The following EMP2 variants were observed in gnomAD, a reference collection of about 807,000 sequenced individuals.
The protein encoded by EMP2 is epithelial membrane protein 2.
A neutral mutation model predicts 13.7 loss-of-function variants in EMP2; 19 were observed. The ratio of observed to expected loss-of-function variants is 1.38; its 90% confidence interval spans 0.97 to 2.03. The LOEUF is 2.03. Among genes scored for constraint, EMP2 ranks in the 30% most tolerant of loss-of-function variants. The pLI is 0.00. For synonymous variants in EMP2, 97 were observed against 84.7 expected, an observed-to-expected ratio of 1.15 and a Z score of -0.80; for missense variants, 253 against 220.7, an observed-to-expected ratio of 1.15 and a Z score of -0.93.
rs1019110609 is a variant in EMP2, at chr16:10,547,216, A to T, written c.78+324T>A. ...CGTGGGAGGGACCCGGTGGGAGGTA[A>T]CTGAATCATGGGAGCAAGTTTATCC... On this transcript the variant is annotated intron_variant, in intron 2 of 4. Transcript: ENST00000359543. The T allele has an allele frequency of 8.2e-5, 17 of 208,422 alleles. No homozygotes were observed. The East Asian group carries it at 1.0e-3, about 12-fold the overall frequency. 12.9% of individuals were successfully genotyped at this position (208,422 alleles called of 1,614,324 possible). A position where few individuals can be genotyped will look rare whatever the true frequency, so the allele number is the denominator to read the frequency against.
intron 1 of EMP2, among the ~76,000 whole-genome samples, chr16:10,566,154 G>A (rs2050905699): frequency 6.6e-6 from 1 of 152,188 alleles, no homozygotes; most frequent in East Asian, 1.9e-4. Context: ...CAGAACAAGG[G>A]TTCCCAAACT....
Position 10,529,623 on chromosome 16 carries a change from A to G in EMP2, c.*3282T>C, listed in dbSNP as rs2050581624. 1 of 152,136 alleles carries G rather than the reference A, an allele frequency of 6.6e-6. No homozygotes were observed. The highest frequency in any genetic ancestry group is 1.5e-5 in the Non-Finnish European group (1 of 68,024). 9.4% of individuals were successfully genotyped at this position (152,136 alleles called of 1,614,324 possible). On this transcript the variant is annotated 3_prime_UTR_variant, in exon 5 of 5. Transcript: ENST00000359543. Reference sequence around the variant, plus strand: ...GTTCTAAGGTGTTTTGTTTGTTTCCATCGTGACTACCAGAAAATTATAGAA... The same window carrying G: ...GTTCTAAGGTGTTTTGTTTGTTTCCGTCGTGACTACCAGAAAATTATAGAA...
intron 1 of EMP2, among the ~76,000 whole-genome samples, chr16:10,555,155 G>C (rs1373207527): frequency 6.6e-6 from 1 of 152,124 alleles, no homozygotes. Flanking sequence ...AACAAGGTCA[G>C]GACTAGACCA....
At position 10,580,494 on chromosome 16, in the gene EMP2, C is replaced by G. The variant is rs140157611; in HGVS notation, c.-61+55G>C. ...CGCGTCCCTGCTGCCCGGGCGTACA[C>G]GATCCCGGGGCCCCCCCGATGTCGC... On this transcript the variant is annotated intron_variant, in intron 1 of 4. Transcript: ENST00000359543. The surrounding 1 kb of genome is among the most constrained non-coding windows in gnomAD (Gnocchi z 4.3). The G allele has an allele frequency of 6.1e-3, 926 of 152,430 alleles. 5 individuals carry two copies. The highest frequency in any genetic ancestry group is 9.0e-3 in the Non-Finnish European group (611 of 68,108). The allele number at this position is 152,430 out of a possible 1,614,324, so 9.4% of individuals were successfully genotyped here. A position where few individuals can be genotyped will look rare whatever the true frequency, so the allele number is the denominator to read the frequency against.
rs1259482578 is a variant in EMP2 at position 10,537,955 on chromosome 16, G to C, written c.289C>G (p.Leu97Val). ...GACATTAGCTGGATGATGGAGGTTA[G>C]GACAAACCTCTCTCCCTGCTTCAGG... is the stretch of plus-strand genomic sequence containing the variant. The part of the protein sequence containing the change: ...FRLKQGERFV[L>V]TSIIQLMSCL... Residue 97 changes from leucine (L) to valine (V), a missense_variant, in exon 4 of 5, where the codon CTA becomes GTA. Physicochemically the swap from Leu to Val is conservative, Grantham distance 32. Coordinates refer to ENST00000359543, the MANE Select transcript of EMP2 (RefSeq NM_001424.6). The C allele has an allele frequency of 1.2e-6, 2 of 1,614,138 alleles. No individual in the cohort carries two copies. Among genetic ancestry groups the C allele is most frequent in the Non-Finnish European group, 1.7e-6 (2 of 1,180,034 alleles).
chr16:10,580,342 G>C lies in EMP2; in HGVS notation c.-61+207C>G, dbSNP rs991165345. 1.3e-5 allele frequency among the ~76,000 whole-genome samples: 2 copies of C among 152,216 alleles called. No individual in the cohort carries two copies. The highest frequency in any genetic ancestry group is 2.9e-5 in the Non-Finnish European group (2 of 68,028). ...GCGTGGGAAGCTGTCCCGGGATGGC[G>C]AAGTGGAATTCTGGGGCCGGAGCGA... is the stretch of plus-strand genomic sequence containing the variant. On this transcript the variant is annotated intron_variant, in intron 1 of 4. Coordinates refer to ENST00000359543, the MANE Select transcript of EMP2 (RefSeq NM_001424.6). This position sits in a 1 kb window ranked among gnomAD's most constrained non-coding sequence, Gnocchi z 4.3.
chr16:10,538,953 C>A (rs1254508757), intron 3 of EMP2, among the ~76,000 whole-genome samples: 2 of 152,024 alleles, frequency 1.3e-5, no homozygotes, highest in East Asian at 3.9e-4. Context: ...GTAGCTGGGA[C>A]TACAGGCATG....
In EMP2 at chr16:10,532,992, G is replaced by T; in HGVS notation, c.417C>A (p.Tyr139Ter). 6.2e-7 allele frequency: 1 copy of T among 1,611,992 alleles called. No individual in the cohort carries two copies. Residue 139 changes from tyrosine (Y) to a stop codon, truncating the protein, a stop_gained, in exon 5 of 5, where the codon TAC (tyrosine) becomes TAA (stop). Transcript: ENST00000359543. LOFTEE classifies it high-confidence loss of function. ...CCCACGCCAGGATGTAGGAGTAGCCGTAGCTGCCTTCTCTGGTCACGGGAT... is the reference window on the plus strand; with the variant it reads ...CCCACGCCAGGATGTAGGAGTAGCCTTAGCTGCCTTCTCTGGTCACGGGAT... ...KFYPVTREGS[Y>*]GYSYILAWVA...
chr16:10,569,331 C>G lies in EMP2; in HGVS notation c.-61+11218G>C, dbSNP rs77183013. 2.9e-3 allele frequency among the ~76,000 whole-genome samples: 444 copies of G among 152,280 alleles called. 6 individuals are homozygous for G. The highest frequency in any genetic ancestry group is 0.01 in the African/African-American group (416 of 41,566). The stretch of plus-strand genomic sequence containing the variant: ...TTGATTCATTTTTAAAATATTTATT[C>G]TGTTTTGTTTTTTGTTTTTAAAACA... On this transcript the variant is annotated intron_variant, in intron 1 of 4. Coordinates refer to ENST00000359543, the MANE Select transcript of EMP2 (RefSeq NM_001424.6).
rs1175455785 is a variant in EMP2 at position 10,530,096 on chromosome 16, G to A, written c.*2809C>T. ...TTCTTGCCCACAATATGACTAGTGAGAGTATCTCATGGAGGCAGGAGGTGA... is the reference window on the plus strand; with the variant it reads ...TTCTTGCCCACAATATGACTAGTGAAAGTATCTCATGGAGGCAGGAGGTGA... On this transcript the variant is annotated 3_prime_UTR_variant, in exon 5 of 5. Coordinates refer to ENST00000359543, the MANE Select transcript of EMP2 (RefSeq NM_001424.6). 1 of 152,194 alleles carries A rather than the reference G, an allele frequency of 6.6e-6. No homozygotes were observed. The highest frequency in any genetic ancestry group is 2.4e-5 in the African/African-American group (1 of 41,408). The allele number at this position is 152,194 out of a possible 1,614,324, so 9.4% of individuals were successfully genotyped here. A position where few individuals can be genotyped will look rare whatever the true frequency, so the allele number is the denominator to read the frequency against.
Position 10,532,817 on chromosome 16 carries a change from A to G in EMP2, c.*88T>C. On this transcript the variant is annotated 3_prime_UTR_variant, in exon 5 of 5. Coordinates refer to ENST00000359543, the MANE Select transcript of EMP2 (RefSeq NM_001424.6). ...TTAAAGGAAACAATACGTTTGCTAG[A>G]AAAACCTCAAAAAATAATGATTATA... 1.2e-6 allele frequency: 1 copy of G among 804,380 alleles called. No homozygotes were observed. Among genetic ancestry groups the G allele is most frequent in the South Asian group, 4.3e-5 (1 of 23,526 alleles). 49.8% of individuals were successfully genotyped at this position (804,380 alleles called of 1,614,324 possible).
At chr16:10,556,182 C>A (rs1749443501) in intron 1 of EMP2, among the ~76,000 whole-genome samples, 1 of 152,140 alleles carries the variant, frequency 6.6e-6, no homozygotes, top group African/African-American at 2.4e-5. Flanking sequence ...TCCTTTTCCC[C>A]TAGCATTTCC....
At chr16:10,575,452 C>T (rs1043215398) in intron 1 of EMP2, among the ~76,000 whole-genome samples, 1 of 151,476 alleles carries the variant, frequency 6.6e-6, no homozygotes, top group Non-Finnish European at 1.5e-5. Context: ...GACAGGGCTT[C>T]ATTGTGTTAG....
At chr16:10,563,452 A>C (rs182309999) in intron 1 of EMP2, among the ~76,000 whole-genome samples, 10 of 152,366 alleles carry the variant, frequency 6.6e-5, no homozygotes, top group East Asian at 1.9e-4. Context: ...TTGGTCTCCC[A>C]AAGTGCTGGG....
chr16:10,543,491 C>A, intron 3 of EMP2, 79 bp downstream of exon 3: 1 of 1,506,168 alleles, frequency 6.6e-7, no homozygotes, highest in Non-Finnish European at 9.2e-7. Context: ...GGTACGGAGT[C>A]GGGGAACCCG....
chr16:10,574,635 T>TTGG (rs781381847), intron 1 of EMP2, among the ~76,000 whole-genome samples: 196 of 152,270 alleles, frequency 1.3e-3, no homozygotes, highest in Non-Finnish European at 2.3e-3. Context: ...CTCGGCTCAC[T>TTGG]GCAAGCTCTG....
At chr16:10,538,874 G>A (rs760924107) in intron 3 of EMP2, among the ~76,000 whole-genome samples, 1 of 152,118 alleles carries the variant, frequency 6.6e-6, no homozygotes, top group Non-Finnish European at 1.5e-5. Flanking sequence ...GGAGTGTAGT[G>A]GCACAACCGT....
At chr16:10,537,793 C>A in intron 4 of EMP2, 135 bp downstream of exon 4, 1 of 1,105,190 alleles carries the variant, frequency 9.0e-7, no homozygotes, top group Non-Finnish European at 1.3e-6. Flanking sequence ...CAAACACACA[C>A]CGGCACACAG....
chr16:10,552,673 C>CA (rs1355877817), intron 1 of EMP2, among the ~76,000 whole-genome samples: 3 of 152,126 alleles, frequency 2.0e-5, no homozygotes, highest in African/African-American at 7.2e-5. Flanking sequence ...CCACGTATAG[C>CA]AGTGATATAA....
Sources: gnomAD v4.1 joint callset for allele counts (sites outside exome capture counted in the v4.1 genomes callset) on GRCh38, gnomAD v4.1.1 for gene constraint, Gnocchi (gnomAD v3.1) non-coding constraint, MANE v1.5 for transcripts, NCBI Gene and HGNC (gene_info 2026-07-23, HGNC 2026-07-21) for gene names.